The following CDKAL1 variants were observed in gnomAD, a reference collection of about 807,000 sequenced individuals.
CDKAL1 encodes the protein CDKAL1 threonylcarbamoyladenosine tRNA methylthiotransferase, also known as threonylcarbamoyladenosine tRNA methylthiotransferase.
A neutral mutation model predicts 68.2 loss-of-function variants in CDKAL1; 32 were observed. The ratio of observed to expected loss-of-function variants is 0.47; its 90% confidence interval spans 0.35 to 0.63. The LOEUF is 0.63. Ranked by LOEUF, CDKAL1 falls within the 30% of genes least tolerant of loss-of-function variation. The pLI, the probability that CDKAL1 is intolerant of heterozygous loss-of-function variation, is 0.00. For synonymous variants in CDKAL1, 234 were observed against 244.3 expected (o/e 0.96, Z 0.39); for missense variants, 606 against 696.7 (o/e 0.87, Z 1.47).
intron 12 of CDKAL1, among the ~76,000 whole-genome samples, chr6:21,088,575 CATTA>C (rs1157923468): frequency 6.6e-6 from 1 of 152,154 alleles, no homozygotes; most frequent in African/African-American, 2.4e-5. Context: ...CTGTTGCTTT[CATTA>C]ATTAATACTT....
intron 9 of CDKAL1, among the ~76,000 whole-genome samples, chr6:20,927,877 T>A (rs1350400132): frequency 6.6e-6 from 1 of 152,184 alleles, no homozygotes; most frequent in Non-Finnish European, 1.5e-5. Flanking sequence ...TAAAAATTAT[T>A]CTATCAGTTT....
intron 12 of CDKAL1, among the ~76,000 whole-genome samples, chr6:21,099,359 A>G (rs188706876): frequency 1.3e-5 from 2 of 152,334 alleles, no homozygotes; most frequent in African/African-American, 2.4e-5. Context: ...CTGTGTTCCA[A>G]TAAAACTTTA....
intron 5 of CDKAL1, among the ~76,000 whole-genome samples, chr6:20,706,867 A>C (rs1771620091): frequency 1.3e-5 from 2 of 152,102 alleles, no homozygotes; most frequent in South Asian, 4.1e-4. Context: ...TACTTAAAAA[A>C]AAAATTACCC....
intron 13 of CDKAL1, among the ~76,000 whole-genome samples, chr6:21,133,746 A>C (rs1775441951): frequency 6.6e-6 from 1 of 152,244 alleles, no homozygotes; most frequent in Admixed American, 6.5e-5. Flanking sequence ...ATAGTAAAAC[A>C]TAAATATTAA....
At chr6:21,130,117 G>A (rs1775225621) in intron 13 of CDKAL1, among the ~76,000 whole-genome samples, 1 of 150,200 alleles carries the variant, frequency 6.7e-6, no homozygotes, top group East Asian at 1.9e-4. Flanking sequence ...AGCTATTGTT[G>A]ATTTTTAATG....
chr6:20,626,022 G>A (rs1767416330), intron 4 of CDKAL1, among the ~76,000 whole-genome samples: 1 of 152,054 alleles, frequency 6.6e-6, no homozygotes, highest in East Asian at 1.9e-4. Context: ...TTTGGTGGGT[G>A]GTGGAGGGTC....
chr6:20,853,237 C>G (rs774583537), intron 9 of CDKAL1, among the ~76,000 whole-genome samples: 8 of 152,116 alleles, frequency 5.3e-5, no homozygotes, highest in African/African-American at 9.7e-5. Context: ...CAAAAATTAG[C>G]TAGGCGTGGT....
At chr6:21,044,780 T>C (rs557004597) in intron 11 of CDKAL1, among the ~76,000 whole-genome samples, 5 of 147,102 alleles carry the variant, frequency 3.4e-5, no homozygotes, top group Admixed American at 2.0e-4. Flanking sequence ...CAGAAGGTTG[T>C]TTTGATGTCT....
At chr6:21,171,024 A>T (rs551506626) in intron 13 of CDKAL1, among the ~76,000 whole-genome samples, 13 of 152,346 alleles carry the variant, frequency 8.5e-5, no homozygotes, top group African/African-American at 3.1e-4. Context: ...ATATTTTTAA[A>T]TGGCTTTGAT....
intron 9 of CDKAL1, among the ~76,000 whole-genome samples, chr6:20,932,825 A>G (rs536031918): frequency 6.8e-4 from 103 of 152,328 alleles, no homozygotes; most frequent in African/African-American, 2.4e-3. Flanking sequence ...TATAAGCCTC[A>G]TAGAACCCTC....
At chr6:20,710,173 A>G (rs1369541263) in intron 5 of CDKAL1, among the ~76,000 whole-genome samples, 1 of 152,204 alleles carries the variant, frequency 6.6e-6, no homozygotes, top group Non-Finnish European at 1.5e-5. Context: ...TAGGGAAATC[A>G]TGGCATTTAA....
At chr6:20,902,334 CA>C (rs2150601621) in intron 9 of CDKAL1, among the ~76,000 whole-genome samples, 1 of 150,606 alleles carries the variant, frequency 6.6e-6, no homozygotes, top group African/African-American at 2.5e-5. Context: ...CACACACACA[CA>C]CACACACACA....
intron 12 of CDKAL1, among the ~76,000 whole-genome samples, chr6:21,074,277 C>CGA (rs1338854842): frequency 6.6e-6 from 1 of 152,300 alleles, no homozygotes; most frequent in East Asian, 1.9e-4. Flanking sequence ...GCTCTAGTCT[C>CGA]TGACTTTATT....
At chr6:20,594,103 G>A (rs979279933) in intron 4 of CDKAL1, among the ~76,000 whole-genome samples, 3 of 152,140 alleles carry the variant, frequency 2.0e-5, no homozygotes, top group Admixed American at 2.0e-4. Context: ...CAATTATGTG[G>A]TCAGTTTTAG....
intron 9 of CDKAL1, among the ~76,000 whole-genome samples, chr6:20,912,214 T>C (rs572554329): frequency 6.6e-6 from 1 of 152,320 alleles, no homozygotes; most frequent in South Asian, 2.1e-4. Flanking sequence ...TTCTTCCTCC[T>C]CAAACCCCCT....
chr6:21,102,393 C>T (rs1448929327), intron 12 of CDKAL1, among the ~76,000 whole-genome samples: 1 of 152,202 alleles, frequency 6.6e-6, no homozygotes, highest in African/African-American at 2.4e-5. Flanking sequence ...TCAGACCTGC[C>T]TTAGCGTCGT....
intron 10 of CDKAL1, among the ~76,000 whole-genome samples, chr6:20,964,027 G>A (rs749096545): frequency 7.9e-5 from 12 of 151,780 alleles, no homozygotes; most frequent in Non-Finnish European, 1.2e-4. Flanking sequence ...AGAAGACAAC[G>A]TACATGTGGC....
At chr6:20,672,484 A>G (rs1769892280) in intron 5 of CDKAL1, among the ~76,000 whole-genome samples, 2 of 151,854 alleles carry the variant, frequency 1.3e-5, no homozygotes, top group African/African-American at 4.8e-5. Context: ...CCTCCCGAGT[A>G]GCTGGGATTA....
intron 7 of CDKAL1, among the ~76,000 whole-genome samples, chr6:20,776,263 A>T (rs770834175): frequency 6.6e-6 from 1 of 152,222 alleles, no homozygotes; most frequent in East Asian, 1.9e-4. Flanking sequence ...TTGAAGAACT[A>T]TTATGTTAGC....
Sources: gnomAD v4.1 joint callset for allele counts (sites outside exome capture counted in the v4.1 genomes callset) on GRCh38, gnomAD v4.1.1 for gene constraint, MANE v1.5 for transcripts, NCBI Gene and HGNC (gene_info 2026-07-23, HGNC 2026-07-21) for gene names.